MAP2K5: variants seen among roughly 807,000 people sequenced by gnomAD.
The protein encoded by MAP2K5 is mitogen-activated protein kinase kinase 5.
In MAP2K5, 49 loss-of-function variants were observed where a neutral mutation model predicts 83.1. The observed-to-expected ratio is 0.59, with a 90% CI of 0.47 to 0.75. MAP2K5 has a LOEUF of 0.75. MAP2K5 is among the 30% of genes least tolerant of loss of function. The pLI, the probability that MAP2K5 is intolerant of heterozygous loss-of-function variation, is 0.00. For synonymous variants in MAP2K5, 202 were observed against 191.8 expected (o/e 1.05, Z -0.44); for missense variants, 457 against 557.5 (o/e 0.82, Z 1.82).
At position 67,755,151 on chromosome 15, in the gene MAP2K5, G is replaced by T. The variant is rs563469579; in HGVS notation, c.1134+6550G>T. 3.9e-5 allele frequency among the ~76,000 whole-genome samples: 6 copies of T among 151,950 alleles called. No individual in the cohort carries two copies. The highest frequency in any genetic ancestry group is 8.8e-5 in the Non-Finnish European group (6 of 67,968). On this transcript the variant is annotated intron_variant, in intron 19 of 21. Coordinates refer to ENST00000178640, the MANE Select transcript of MAP2K5 (RefSeq NM_145160.3). The surrounding 1 kb of genome is among the most constrained non-coding windows in gnomAD (Gnocchi z 4.7). ...CACCACGCCCAGCTAATTTTTTTGT[G>T]TGTTTTTAGTAGAGATGGGGTTTCA...
intron 12 of MAP2K5, among the ~76,000 whole-genome samples, chr15:67,664,326 T>C (rs939050583): frequency 2.7e-5 from 3 of 111,876 alleles, no homozygotes; most frequent in African/African-American, 1.1e-4. Flanking sequence ...GAGATCCCTG[T>C]TTCTACCAAA....
chr15:67,667,604 T>G (rs1386289666), intron 13 of MAP2K5, among the ~76,000 whole-genome samples: 1 of 152,108 alleles, frequency 6.6e-6, no homozygotes, highest in African/African-American at 2.4e-5. Context: ...TAAGTACCTG[T>G]GTTGTCCTCT....
intron 12 of MAP2K5, among the ~76,000 whole-genome samples, chr15:67,659,971 A>G (rs779395780): frequency 2.0e-5 from 3 of 152,164 alleles, no homozygotes; most frequent in South Asian, 2.1e-4. Flanking sequence ...AGCATCAAAT[A>G]CAGGGCTTGC....
At chr15:67,752,269 GT>G (rs1421145125) in intron 19 of MAP2K5, among the ~76,000 whole-genome samples, 2 of 151,712 alleles carry the variant, frequency 1.3e-5, no homozygotes, top group Non-Finnish European at 2.9e-5. Context: ...GTTTCACCAT[GT>G]TGGCCAGGCT....
chr15:67,623,789 G>T (rs1432600951), intron 8 of MAP2K5, among the ~76,000 whole-genome samples: 1 of 151,684 alleles, frequency 6.6e-6, no homozygotes, highest in East Asian at 2.0e-4. Context: ...TAGAGACGGG[G>T]TTTCTCCATG....
chr15:67,698,809 C>T lies in MAP2K5; in HGVS notation c.973-4528C>T, dbSNP rs973114483. Reference sequence around the variant, plus strand: ...TCCAACTCAATTGGCTATGCTCATGCGATGGTAGTAATGGTAGTGGTGGTG... The same window carrying T: ...TCCAACTCAATTGGCTATGCTCATGTGATGGTAGTAATGGTAGTGGTGGTG... On this transcript the variant is annotated intron_variant, in intron 15 of 21. Coordinates refer to ENST00000178640, the MANE Select transcript of MAP2K5 (RefSeq NM_145160.3). This position sits in a 1 kb window ranked among gnomAD's most constrained non-coding sequence, Gnocchi z 4.5. Among the ~76,000 whole-genome samples, 2 of 152,110 alleles carry T rather than the reference C, an allele frequency of 1.3e-5. No homozygotes were observed. Among genetic ancestry groups the T allele is most frequent in the Non-Finnish European group, 2.9e-5 (2 of 68,030 alleles).
intron 9 of MAP2K5, among the ~76,000 whole-genome samples, chr15:67,643,237 A>G (rs2086753477): frequency 6.6e-6 from 1 of 152,202 alleles, no homozygotes; most frequent in Non-Finnish European, 1.5e-5. Flanking sequence ...TTGTCATCAT[A>G]GTAGGAATAG....
chr15:67,672,142 T>C (rs1304052638), intron 13 of MAP2K5, among the ~76,000 whole-genome samples: 1 of 151,828 alleles, frequency 6.6e-6, no homozygotes, highest in Non-Finnish European at 1.5e-5. Flanking sequence ...TGTGTCTTTA[T>C]AGCAGCATGA....
intron 9 of MAP2K5, among the ~76,000 whole-genome samples, chr15:67,634,367 CAAAAAAAAAAAAAAAAAAAAAA>C (rs71142390): frequency 4.3e-4 from 21 of 48,576 alleles, no homozygotes; most frequent in South Asian, 2.3e-3. Context: ...GACCTCATCT[CAAAAAAAAAAAAAAAAAAAAAA>C]AAAAAAAAAA....
intron 19 of MAP2K5, among the ~76,000 whole-genome samples, chr15:67,752,453 G>A (rs943299054): frequency 6.6e-6 from 1 of 151,872 alleles, no homozygotes; most frequent in African/African-American, 2.4e-5. Flanking sequence ...GCCAAAGCGG[G>A]TGGATCACAA....
At chr15:67,629,154 G>C (rs1453265386) in intron 8 of MAP2K5, 1 of 716,818 alleles carries the variant, frequency 1.4e-6, no homozygotes, top group African/African-American at 1.7e-5. Context: ...AGGAAACAAA[G>C]CGTAGCAAAA....
At chr15:67,663,974 G>C (rs956364806) in intron 12 of MAP2K5, among the ~76,000 whole-genome samples, 1 of 152,086 alleles carries the variant, frequency 6.6e-6, no homozygotes, top group Non-Finnish European at 1.5e-5. Context: ...CCTTTTTCCT[G>C]TGTCTCTCCT....
At position 67,652,067 on chromosome 15, in the gene MAP2K5, TG is replaced by T. The variant is rs1276348790; in HGVS notation, c.736+5599del. Reference sequence around the variant, plus strand: ...TTGATAAAAGCCATTTCAGCTGGAGTGAGAGGATATCTCACTGTGGTTTTGA... The same window carrying T: ...TTGATAAAAGCCATTTCAGCTGGAGTAGAGGATATCTCACTGTGGTTTTGA... On this transcript the variant is annotated intron_variant, in intron 11 of 21. Transcript: ENST00000178640. This position sits in a 1 kb window ranked among gnomAD's most constrained non-coding sequence, Gnocchi z 4.2. Among the ~76,000 whole-genome samples, 1 of 152,120 alleles carries T rather than the reference TG, an allele frequency of 6.6e-6. No homozygotes were observed. The highest frequency in any genetic ancestry group is 2.4e-5 in the African/African-American group (1 of 41,432).
At chr15:67,611,381 TAGTG>T (rs1237301376) in intron 8 of MAP2K5, among the ~76,000 whole-genome samples, 3 of 152,200 alleles carry the variant, frequency 2.0e-5, no homozygotes, top group Non-Finnish European at 4.4e-5. Flanking sequence ...AGGTAATTCT[TAGTG>T]AGTATTTGCA....
At chr15:67,712,566 A>G (rs2088716416) in intron 16 of MAP2K5, among the ~76,000 whole-genome samples, 1 of 152,260 alleles carries the variant, frequency 6.6e-6, no homozygotes, top group Non-Finnish European at 1.5e-5. Flanking sequence ...ATATAAGAAC[A>G]GGCTGCTGTA....
At chr15:67,605,777 T>G (rs1315053871) in intron 8 of MAP2K5, among the ~76,000 whole-genome samples, 1 of 152,144 alleles carries the variant, frequency 6.6e-6, no homozygotes, top group Non-Finnish European at 1.5e-5. Flanking sequence ...AAGGATAAAA[T>G]AGACCCTTGG....
At chr15:67,674,750 C>G (rs1395275927) in intron 13 of MAP2K5, among the ~76,000 whole-genome samples, 2 of 151,988 alleles carry the variant, frequency 1.3e-5, no homozygotes, top group African/African-American at 4.8e-5. Context: ...TCTCAAAACT[C>G]AATGGTAGAA....
Position 67,652,468 on chromosome 15 carries a change from C to T in MAP2K5, c.736+5999C>T, listed in dbSNP as rs1320699351. 6.6e-6 allele frequency among the ~76,000 whole-genome samples: 1 copy of T among 152,126 alleles called. No individual in the cohort carries two copies. Among genetic ancestry groups the T allele is most frequent in the African/African-American group, 2.4e-5 (1 of 41,428 alleles). On this transcript the variant is annotated intron_variant, in intron 11 of 21. Transcript: ENST00000178640. The surrounding 1 kb of genome is among the most constrained non-coding windows in gnomAD (Gnocchi z 4.2). ...AGCAAGAGAGAGAGGAGGGAGGTCC[C>T]AGACACTTTTTAACAACCAAATCTT...
At chr15:67,733,148 C>G (rs1287154288) in intron 17 of MAP2K5, among the ~76,000 whole-genome samples, 1 of 152,120 alleles carries the variant, frequency 6.6e-6, no homozygotes, top group African/African-American at 2.4e-5. Flanking sequence ...AATTTGCATT[C>G]TTTGTCAGAA....
Sources: gnomAD v4.1 joint callset for allele counts (sites outside exome capture counted in the v4.1 genomes callset) on GRCh38, gnomAD v4.1.1 for gene constraint, Gnocchi (gnomAD v3.1) non-coding constraint, MANE v1.5 for transcripts, NCBI Gene and HGNC (gene_info 2026-07-23, HGNC 2026-07-21) for gene names.